Variants in GRM5 observed in about 807,000 individuals in gnomAD.
GRM5 encodes metabotropic glutamate receptor 5.
In GRM5, 19 loss-of-function variants were observed where a neutral mutation model predicts 83.1. That is an observed-to-expected ratio of 0.23 (90% CI 0.16 to 0.34). The LOEUF is 0.34. Ranked by LOEUF, GRM5 falls within the 10% of genes least tolerant of loss-of-function variation. The pLI, the probability that GRM5 is intolerant of heterozygous loss-of-function variation, is 1.00. For synonymous variants in GRM5, 675 were observed against 633.6 expected (o/e 1.07, Z -0.98); for missense variants, 1,160 against 1,588.3 (o/e 0.73, Z 4.58).
chr11:89,060,685 A>C (rs1941973837), intron 1 of GRM5, among the ~76,000 whole-genome samples: 1 of 152,152 alleles, frequency 6.6e-6, no homozygotes, highest in Admixed American at 6.5e-5. Flanking sequence ...TCAGAAAGGT[A>C]AAATATAGAT....
chr11:88,581,810 T>C (rs79774752), intron 7 of GRM5, among the ~76,000 whole-genome samples: 4,441 of 152,314 alleles, frequency 0.029, 76 homozygotes, highest in Middle Eastern at 0.11. Context: ...GCTCTGAATG[T>C]TATATTGGAA....
Position 88,507,841 on chromosome 11 carries a change from C to T in GRM5, c.*751G>A, listed in dbSNP as rs907290200. ...CAACATGGTGAAATAGTCAAGAAAT[C>T]TTCCACTGGTTTTCTTGGTTAATGG... is the stretch of plus-strand genomic sequence containing the variant. On this transcript the variant is annotated 3_prime_UTR_variant, in exon 10 of 10. Transcript: ENST00000305447. 6.6e-6 allele frequency: 1 copy of T among 152,628 alleles called. No homozygotes were observed. The highest frequency in any genetic ancestry group is 1.5e-5 in the Non-Finnish European group (1 of 68,048). 9.5% of individuals were successfully genotyped at this position (152,628 alleles called of 1,614,324 possible). A position where few individuals can be genotyped will look rare whatever the true frequency, so the allele number is the denominator to read the frequency against.
chr11:88,693,739 G>A (rs1338565713), intron 3 of GRM5, among the ~76,000 whole-genome samples: 1 of 152,158 alleles, frequency 6.6e-6, no homozygotes, highest in Non-Finnish European at 1.5e-5. Flanking sequence ...GCTGAGCCTA[G>A]TTACTCTTCT....
intron 3 of GRM5, among the ~76,000 whole-genome samples, chr11:88,672,163 C>T (rs992229455): frequency 3.3e-5 from 5 of 151,684 alleles, no homozygotes; most frequent in South Asian, 4.2e-4. Context: ...ATGATAAAAC[C>T]GATTATAGCT....
intron 8 of GRM5, among the ~76,000 whole-genome samples, chr11:88,558,382 T>C (rs1942674623): frequency 6.6e-6 from 1 of 152,142 alleles, no homozygotes. Context: ...AGTCAGTGTT[T>C]CTGCAGTTCC....
chr11:88,882,945 T>C (rs2135575228), intron 2 of GRM5, among the ~76,000 whole-genome samples: 1 of 152,268 alleles, frequency 6.6e-6, no homozygotes, highest in Admixed American at 6.5e-5. Flanking sequence ...TTTCCCTGCC[T>C]ATGCTCTCTC....
At chr11:88,988,423 T>A (rs1377417830) in intron 2 of GRM5, among the ~76,000 whole-genome samples, 26 of 151,944 alleles carry the variant, frequency 1.7e-4, no homozygotes, top group African/African-American at 6.0e-4. Context: ...GGAACCAAGT[T>A]GGAAAACACT....
intron 1 of GRM5, among the ~76,000 whole-genome samples, chr11:89,056,914 C>T (rs1284721670): frequency 1.3e-5 from 2 of 152,042 alleles, no homozygotes; most frequent in African/African-American, 4.8e-5. Flanking sequence ...ATTTTAAATA[C>T]ATACAAAAGT....
intron 3 of GRM5, among the ~76,000 whole-genome samples, chr11:88,713,194 T>C (rs72962527): frequency 0.048 from 7,250 of 152,112 alleles, 170 homozygotes; most frequent in Middle Eastern, 0.075. Flanking sequence ...TAATCACTTA[T>C]TAAAAGTCAG....
intron 1 of GRM5, among the ~76,000 whole-genome samples, chr11:89,051,475 C>T (rs191991934): frequency 8.6e-5 from 13 of 151,948 alleles, no homozygotes; most frequent in Non-Finnish European, 1.6e-4. Flanking sequence ...TTTGGGAGGC[C>T]GAGGCGGGCA....
chr11:88,944,834 A>G, intron 2 of GRM5, among the ~76,000 whole-genome samples: 1 of 152,066 alleles, frequency 6.6e-6, no homozygotes, highest in East Asian at 1.9e-4. Context: ...CACCAATCAT[A>G]TTCAATACAG....
chr11:88,922,016 C>A (rs1482278062), intron 2 of GRM5, among the ~76,000 whole-genome samples: 1 of 151,440 alleles, frequency 6.6e-6, no homozygotes, highest in Non-Finnish European at 1.5e-5. Flanking sequence ...AATAAAATCC[C>A]AAGGAAAAAA....
At chr11:88,529,327 G>C (rs867039013) in intron 8 of GRM5, among the ~76,000 whole-genome samples, 1 of 151,002 alleles carries the variant, frequency 6.6e-6, no homozygotes, top group African/African-American at 2.4e-5. Context: ...ACAAATACAA[G>C]AAGGGTTACT....
rs1326431948 is a variant in GRM5, at chr11:88,798,715, G to A, written c.911+51191C>T. ...GTCATAATTGTTGTTTTGTGGATAGGAGCATTTGAGAGAAAGCTGGGATTG... is the reference window on the plus strand; with the variant it reads ...GTCATAATTGTTGTTTTGTGGATAGAAGCATTTGAGAGAAAGCTGGGATTG... On this transcript the variant is annotated intron_variant, in intron 3 of 9. Transcript: ENST00000305447. Among the ~76,000 whole-genome samples, 3 of 149,236 alleles carry A rather than the reference G, an allele frequency of 2.0e-5. No homozygotes were observed. The South Asian group carries it at 6.3e-4, about 31-fold the overall frequency.
intron 2 of GRM5, among the ~76,000 whole-genome samples, chr11:88,879,059 A>G (rs1944906113): frequency 6.6e-6 from 1 of 152,134 alleles, no homozygotes; most frequent in African/African-American, 2.4e-5. Flanking sequence ...CAAAAAGTGG[A>G]TTTTGTTGTA....
chr11:89,000,378 T>C (rs1940338068), intron 2 of GRM5, among the ~76,000 whole-genome samples: 1 of 152,074 alleles, frequency 6.6e-6, no homozygotes, highest in Admixed American at 6.6e-5. Flanking sequence ...CACAGGTCAA[T>C]GGAATGGAAC....
chr11:88,567,139 C>T lies in GRM5; in HGVS notation c.2544G>A (p.Gly848=), dbSNP rs768403189. The T allele has an allele frequency of 2.5e-6, 4 of 1,614,078 alleles. No individual in the cohort carries two copies. The East Asian group carries it at 6.7e-5, about 27-fold the overall frequency. ...TGGCTGCGGAGGATGACTTGCCATC[C>T]CCTACATGCATGCGCACCACGGTAG... is the stretch of plus-strand genomic sequence containing the variant. ...TTSTVVRMHV[G]DGKSSSAASR... Residue 848 remains glycine, a synonymous_variant, in exon 8 of 10, where the codon GGG becomes GGA. Transcript: ENST00000305447. This position sits in a 1 kb window ranked among gnomAD's most constrained non-coding sequence, Gnocchi z 7.3.
At chr11:88,912,053 G>A (rs1174733600) in intron 2 of GRM5, 4 of 467,550 alleles carry the variant, frequency 8.6e-6, no homozygotes, top group African/African-American at 8.0e-5. Context: ...GTACAATACT[G>A]TAAGTATTGG....
intron 9 of GRM5, among the ~76,000 whole-genome samples, chr11:88,514,511 C>T (rs148299095): frequency 6.6e-6 from 1 of 152,130 alleles, no homozygotes; most frequent in African/African-American, 2.4e-5. Flanking sequence ...TGCCATGGTA[C>T]ACCATCATTA....
Sources: allele counts gnomAD v4.1 joint callset (sites outside exome capture counted in the v4.1 genomes callset), GRCh38; gene constraint gnomAD v4.1.1; non-coding constraint Gnocchi (gnomAD v3.1); transcripts MANE v1.5; gene names NCBI Gene and HGNC (gene_info 2026-07-23, HGNC 2026-07-21).